The following EPHA6 variants were observed in gnomAD, a reference collection of about 807,000 sequenced individuals.
EPHA6 encodes ephrin type-A receptor 6.
EPHA6 carries 50 observed loss-of-function variants against 112.0 expected under a neutral mutation model. That is an observed-to-expected ratio of 0.45 (90% CI 0.36 to 0.56). The LOEUF is 0.56. Among genes scored for constraint, EPHA6 ranks in the 20% least tolerant of loss-of-function variants. The pLI, the probability that EPHA6 is intolerant of heterozygous loss-of-function variation, is 0.00. For synonymous variants in EPHA6, 529 were observed against 490.7 expected, an observed-to-expected ratio of 1.08 and a Z score of -1.03; for missense variants, 1,280 against 1,417.4, an observed-to-expected ratio of 0.90 and a Z score of 1.56.
Position 97,453,447 on chromosome 3 carries a change from G to T in EPHA6, c.1894+4717G>T, listed in dbSNP as rs571129990. On this transcript the variant is annotated intron_variant, in intron 7 of 17. Transcript: ENST00000389672. ...AACACGTAAATTTAAGTTTTCACCT[G>T]TAGGCTGCATAAATCAGTTTTGTAG... Among the ~76,000 whole-genome samples the T allele has an allele frequency of 1.2e-4, 18 of 151,728 alleles. No homozygotes were observed. The South Asian group carries it at 3.5e-3, about 30-fold the overall frequency.
chr3:96,970,047 G>T (rs751979718), intron 2 of EPHA6, among the ~76,000 whole-genome samples: 27 of 151,898 alleles, frequency 1.8e-4, no homozygotes, highest in Non-Finnish European at 3.2e-4. Context: ...CAGGGCTATA[G>T]ACTTTATTAG....
At chr3:96,953,445 G>C (rs934747768) in intron 2 of EPHA6, among the ~76,000 whole-genome samples, 2 of 152,094 alleles carry the variant, frequency 1.3e-5, no homozygotes, top group Admixed American at 1.3e-4. Flanking sequence ...TACACAAATA[G>C]TACATTGTAG....
chr3:97,400,736 T>A (rs1196705821), intron 5 of EPHA6, among the ~76,000 whole-genome samples: 2 of 151,652 alleles, frequency 1.3e-5, no homozygotes, highest in Non-Finnish European at 3.0e-5. Context: ...TATTTATGAC[T>A]GTTGTATAGA....
At chr3:97,610,320 G>A (rs939849863) in intron 12 of EPHA6, among the ~76,000 whole-genome samples, 1 of 151,584 alleles carries the variant, frequency 6.6e-6, no homozygotes, top group African/African-American at 2.4e-5. Context: ...GAGAATTTAT[G>A]AGTTTCTCCT....
intron 12 of EPHA6, among the ~76,000 whole-genome samples, chr3:97,602,359 C>T (rs1358445942): frequency 6.6e-6 from 1 of 151,968 alleles, no homozygotes; most frequent in Non-Finnish European, 1.5e-5. Flanking sequence ...TGGAATTTCT[C>T]AATAAAATAT....
chr3:97,291,225 G>A (rs2080669493), intron 5 of EPHA6, among the ~76,000 whole-genome samples: 3 of 151,956 alleles, frequency 2.0e-5, no homozygotes, highest in Admixed American at 2.0e-4. Context: ...TTATTTCATT[G>A]TTGTCTGATA....
rs2034172596 is a variant in EPHA6, at chr3:97,715,454, C to T, written c.2785-4807C>T. On this transcript the variant is annotated intron_variant, in intron 14 of 17. Transcript: ENST00000389672. ...ATTATGCTTTAGTATAATATATACTCATTAATTGAGTACTATAGAGATAGA... is the reference window on the plus strand; with the variant it reads ...ATTATGCTTTAGTATAATATATACTTATTAATTGAGTACTATAGAGATAGA... Among the ~76,000 whole-genome samples the T allele has an allele frequency of 3.9e-5, 6 of 152,152 alleles. No homozygotes were observed. The South Asian group carries it at 1.2e-3, about 31-fold the overall frequency.
chr3:97,281,053 CTTT>C (rs1404266141), intron 5 of EPHA6, among the ~76,000 whole-genome samples: 1 of 152,056 alleles, frequency 6.6e-6, no homozygotes, highest in Non-Finnish European at 1.5e-5. Context: ...AAGTAAACTT[CTTT>C]GTTATGATTA....
At chr3:97,612,517 C>A (rs2107465406) in intron 13 of EPHA6, 2 of 279,434 alleles carry the variant, frequency 7.2e-6, no homozygotes, top group African/African-American at 2.2e-5. Context: ...ATATTTTATT[C>A]TGTGGAATAA....
Position 96,970,724 on chromosome 3 carries a change from C to T in EPHA6, c.451-16606C>T, listed in dbSNP as rs927168585. Among the ~76,000 whole-genome samples the T allele has an allele frequency of 6.6e-5, 10 of 152,066 alleles. No homozygotes were observed. In the South Asian group the frequency reaches 1.2e-3, roughly 19 times the overall value. On this transcript the variant is annotated intron_variant, in intron 2 of 17. Transcript: ENST00000389672. ...AACGTCCTTGTCCTAACAGAGCTTA[C>T]GGTCTACGTAAATTTATCTTGATTC...
intron 2 of EPHA6, among the ~76,000 whole-genome samples, chr3:96,948,825 A>T (rs2041401890): frequency 6.6e-6 from 1 of 152,200 alleles, no homozygotes; most frequent in Non-Finnish European, 1.5e-5. Context: ...GTACCAGAGA[A>T]TTGGAATAAG....
chr3:97,197,934 G>C (rs1489319306), intron 3 of EPHA6, among the ~76,000 whole-genome samples: 1 of 152,002 alleles, frequency 6.6e-6, no homozygotes, highest in Non-Finnish European at 1.5e-5. Context: ...CTCCTGCATT[G>C]CTTTCTACTG....
At chr3:97,439,919 C>G (rs1409186940) in intron 6 of EPHA6, among the ~76,000 whole-genome samples, 2 of 152,076 alleles carry the variant, frequency 1.3e-5, no homozygotes, top group African/African-American at 4.8e-5. Context: ...GATATGTGAC[C>G]AGAGCTGCAG....
intron 3 of EPHA6, among the ~76,000 whole-genome samples, chr3:97,129,623 C>T (rs1053167269): frequency 1.3e-5 from 2 of 151,806 alleles, no homozygotes; most frequent in Non-Finnish European, 2.9e-5. Flanking sequence ...CAGTAAGGCA[C>T]TTTATTCAGG....
Position 96,961,765 on chromosome 3 carries a change from T to C in EPHA6, c.451-25565T>C, listed in dbSNP as rs553222861. On this transcript the variant is annotated intron_variant, in intron 2 of 17. Coordinates refer to ENST00000389672, the MANE Select transcript of EPHA6 (RefSeq NM_001080448.3). ...GGAGTCCTTGTTATCATTTGGCCAG[T>C]GAGTAATACAAGCACTAGGATGTCT... 4.8e-3 allele frequency among the ~76,000 whole-genome samples: 726 copies of C among 152,292 alleles called. 4 individuals carry two copies. The highest frequency in any genetic ancestry group is 0.013 in the South Asian group (63 of 4,822).
intron 3 of EPHA6, among the ~76,000 whole-genome samples, chr3:97,077,577 T>C (rs979149529): frequency 6.6e-6 from 1 of 150,474 alleles, no homozygotes; most frequent in African/African-American, 2.5e-5. Flanking sequence ...CAGTGTGTGA[T>C]GTTCCCCGCC....
In EPHA6 at chr3:96,885,039, T is replaced by G. The variant is rs146528333; in HGVS notation, c.450+18150T>G. On this transcript the variant is annotated intron_variant, in intron 2 of 17. Coordinates refer to ENST00000389672, the MANE Select transcript of EPHA6 (RefSeq NM_001080448.3). ...GGTGTATCACATTTATTGACTTGTG[T>G]ATGTTAAACCATCCCTCCACCACTG... 3.2e-3 allele frequency among the ~76,000 whole-genome samples: 493 copies of G among 152,302 alleles called. 2 individuals are homozygous for G. The highest frequency in any genetic ancestry group is 0.011 in the African/African-American group (476 of 41,556).
intron 3 of EPHA6, among the ~76,000 whole-genome samples, chr3:96,991,708 G>A (rs1218034721): frequency 6.6e-6 from 1 of 152,182 alleles, no homozygotes; most frequent in Non-Finnish European, 1.5e-5. Flanking sequence ...AGGACATCAT[G>A]TTGAAGTCCA....
chr3:97,442,684 A>G (rs2090177496), intron 6 of EPHA6, among the ~76,000 whole-genome samples: 1 of 152,188 alleles, frequency 6.6e-6, no homozygotes. Flanking sequence ...ACAGAGCTTG[A>G]GAATCCACAT....
Sources: allele counts gnomAD v4.1 joint callset (sites outside exome capture counted in the v4.1 genomes callset), GRCh38; gene constraint gnomAD v4.1.1; transcripts MANE v1.5; gene names NCBI Gene and HGNC (gene_info 2026-07-23, HGNC 2026-07-21).